Variants in SLAMF8 observed in about 807,000 individuals in gnomAD.
SLAMF8 encodes the protein SLAM family member 8, also known as B lymphocyte activator macrophage expressed.
A neutral mutation model predicts 29.0 loss-of-function variants in SLAMF8; 23 were observed. That is an observed-to-expected ratio of 0.79 (90% confidence interval 0.57 to 1.13). SLAMF8 has a LOEUF of 1.13. Among genes scored for constraint, SLAMF8 ranks in the 50% most tolerant of loss-of-function variants. SLAMF8 has a pLI of 0.00. For missense variants in SLAMF8, 381 were observed against 353.1 expected (o/e 1.08, Z -0.63); for synonymous variants, 139 against 145.6 (o/e 0.96, Z 0.32).
At chr1:159,829,761 A>C in intron 1 of SLAMF8, 105 bp from the exon 2 acceptor site, 6 of 1,167,918 alleles carry the variant, frequency 5.1e-6, no homozygotes, top group Non-Finnish European at 7.3e-6. Context: ...AGTGGAGGGA[A>C]TGTCAGTGGA....
Position 159,827,709 on chromosome 1 carries a change from C to A in SLAMF8, c.40+771C>A, listed in dbSNP as rs573691500. ...TGGGTTGCTTTGTTTCATCTCCTTGCCTGAGTTCCTGGCCCTGAGAGCTCC... is the reference window on the plus strand; with the variant it reads ...TGGGTTGCTTTGTTTCATCTCCTTGACTGAGTTCCTGGCCCTGAGAGCTCC... On this transcript the variant is annotated intron_variant, in intron 1 of 4. Coordinates refer to ENST00000289707, the MANE Select transcript of SLAMF8 (RefSeq NM_020125.3). Among the ~76,000 whole-genome samples the A allele has an allele frequency of 3.3e-5, 5 of 152,294 alleles. No individual in the cohort carries two copies. In the East Asian group the frequency reaches 9.6e-4, roughly 29 times the overall value.
rs1647597092 is a variant in SLAMF8, at chr1:159,832,937, C to T, written c.429C>T (p.Ser143=). The T allele has an allele frequency of 6.2e-7, 1 of 1,614,216 alleles. No homozygotes were observed. The highest frequency in any genetic ancestry group is 8.5e-7 in the Non-Finnish European group (1 of 1,180,040). Residue 143 remains serine, a synonymous_variant, in exon 3 of 5, where the codon TCC becomes TCT. Transcript: ENST00000289707. ...CTGTAGAAAGGGATGCTCAGCCCTC[C>T]AAGACCTGCCAGGTTTTCTTGTCCT... ...FIAVERDAQP[S]KTCQVFLSCW... is the part of the protein sequence containing the mutation.
Position 159,832,555 on chromosome 1 carries a change from G to A in SLAMF8, c.368-321G>A, listed in dbSNP as rs146699414. On this transcript the variant is annotated intron_variant, in intron 2 of 4. Transcript: ENST00000289707. ...CAAGAAGGGAAAGGCATCTGTGTGC[G>A]CAGATGAATTATGTGAAAGCATGAA... Among the ~76,000 whole-genome samples the A allele has an allele frequency of 1.8e-4, 28 of 152,352 alleles. No individual in the cohort carries two copies. The South Asian group carries it at 2.7e-3, about 15-fold the overall frequency.
Position 159,833,072 on chromosome 1 carries a change from T to C in SLAMF8, c.564T>C (p.Ile188=). ...SLFTDGQVLS[I]SLGPGDRDVA... Reference sequence around the variant, plus strand: ...TCACAGACGGACAGGTGCTGAGCATTTCCCTGGGACCAGGAGACAGAGATG... The same window carrying C: ...TCACAGACGGACAGGTGCTGAGCATCTCCCTGGGACCAGGAGACAGAGATG... Residue 188 remains isoleucine (I), a synonymous_variant, in exon 3 of 5, where the codon ATT becomes ATC. Coordinates refer to ENST00000289707, the MANE Select transcript of SLAMF8 (RefSeq NM_020125.3). 7.4e-6 allele frequency: 12 copies of C among 1,614,168 alleles called. No homozygotes were observed. The highest frequency in any genetic ancestry group is 1.0e-5 in the Non-Finnish European group (12 of 1,180,032).
rs973966010 is a variant in SLAMF8 at position 159,835,529 on chromosome 1, G to A, written c.*269G>A. 1 of 1,217,402 alleles carries A rather than the reference G, an allele frequency of 8.2e-7. No individual in the cohort carries two copies. The highest frequency in any genetic ancestry group is 1.6e-5 in the African/African-American group (1 of 64,386). 75.4% of individuals were successfully genotyped at this position (1,217,402 alleles called of 1,614,324 possible). A position where few individuals can be genotyped will look rare whatever the true frequency, so the allele number is the denominator to read the frequency against. On this transcript the variant is annotated 3_prime_UTR_variant, in exon 5 of 5. Transcript: ENST00000289707. ...GAGCCAAGCAGAACATTCCATCCAG[G>A]ACACTGGAAGTTCTCCAGGATCCAG...
chr1:159,830,247 G>A (rs988131683), intron 2 of SLAMF8, 55 bp downstream of exon 2: 47 of 1,494,714 alleles, frequency 3.1e-5, no homozygotes, highest in Middle Eastern at 3.7e-4. Context: ...AGCACCAGAC[G>A]AGCATCCTGA....
In SLAMF8 at chr1:159,835,170, G is replaced by C. The variant is rs752018159; in HGVS notation, c.782-14G>C. 3.1e-6 allele frequency: 5 copies of C among 1,612,212 alleles called. No homozygotes were observed. The highest frequency in any genetic ancestry group is 8.5e-7 in the Non-Finnish European group (1 of 1,178,950). On this transcript the variant is annotated splice_polypyrimidine_tract_variant and intron_variant, in intron 4 of 4. Transcript: ENST00000289707. The stretch of plus-strand genomic sequence containing the variant: ...ACACTGGAGGGGTAACTTTCTTTCT[G>C]ATGTCCTTACCAGGGAAAAAGAAAA...
Position 159,836,769 on chromosome 1 carries a change from C to T in SLAMF8, c.*1509C>T. 2 of 985,652 alleles carry T rather than the reference C, an allele frequency of 2.0e-6. No homozygotes were observed. Among genetic ancestry groups the T allele is most frequent in the Non-Finnish European group, 2.4e-6 (2 of 830,086 alleles). 61.1% of individuals were successfully genotyped at this position (985,652 alleles called of 1,614,324 possible). ...CTCGATTGTTCCCAGATCCTCCCTG[C>T]CTGGCCTGCTCAGAGGTTCCCTGTT... is the stretch of plus-strand genomic sequence containing the variant. On this transcript the variant is annotated 3_prime_UTR_variant, in exon 5 of 5. Coordinates refer to ENST00000289707, the MANE Select transcript of SLAMF8 (RefSeq NM_020125.3).
chr1:159,831,265 A>C (rs555287662), intron 2 of SLAMF8, among the ~76,000 whole-genome samples: 72 of 152,308 alleles, frequency 4.7e-4, no homozygotes, highest in Non-Finnish European at 8.8e-4. Flanking sequence ...GGAAGAGGGT[A>C]GCCATGAGGG....
chr1:159,837,311 A>G lies in SLAMF8; in HGVS notation c.*2051A>G. The G allele has an allele frequency of 1.0e-6, 1 of 985,482 alleles. No individual in the cohort carries two copies. 61.0% of individuals were successfully genotyped at this position (985,482 alleles called of 1,614,324 possible). A position where few individuals can be genotyped will look rare whatever the true frequency, so the allele number is the denominator to read the frequency against. ...CAAAAAAACACAAAGTGCTTCTGTGAGACCAATTTTGTGCTAATGAGCATT... is the reference window on the plus strand; with the variant it reads ...CAAAAAAACACAAAGTGCTTCTGTGGGACCAATTTTGTGCTAATGAGCATT... On this transcript the variant is annotated 3_prime_UTR_variant, in exon 5 of 5. Coordinates refer to ENST00000289707, the MANE Select transcript of SLAMF8 (RefSeq NM_020125.3).
Position 159,826,884 on chromosome 1 carries a change from C to A in SLAMF8, c.-15C>A. The A allele has an allele frequency of 6.2e-7, 1 of 1,614,162 alleles. No individual in the cohort carries two copies. Among genetic ancestry groups the A allele is most frequent in the Non-Finnish European group, 8.5e-7 (1 of 1,180,020 alleles). On this transcript the variant is annotated 5_prime_UTR_variant, in exon 1 of 5. Coordinates refer to ENST00000289707, the MANE Select transcript of SLAMF8 (RefSeq NM_020125.3). ...TTTGGCTGTCGAGGGAGTTTGCCTG[C>A]CTCTCCAGAGAAAGATGGTCATGAG...
rs759722110 is a variant in SLAMF8 at position 159,833,004 on chromosome 1, C to A, written c.496C>A (p.Arg166=). 1.2e-6 allele frequency: 2 copies of A among 1,614,218 alleles called. No homozygotes were observed. Among genetic ancestry groups the A allele is most frequent in the South Asian group, 2.2e-5 (2 of 91,086 alleles). ...CAGCGAAATAACCTATAGCTGGCGA[C>A]GGGAGACAACCATGGACTTTGGTAT... The part of the protein sequence containing the change: ...NISEITYSWR[R]ETTMDFGMEP... The change falls in exon 3 of 5, where the codon CGG becomes AGG. Residue 166 remains arginine (R), a synonymous_variant. Transcript: ENST00000289707.
At chr1:159,834,073 A>T (rs1330460061) in intron 4 of SLAMF8, among the ~76,000 whole-genome samples, 3 of 152,220 alleles carry the variant, frequency 2.0e-5, no homozygotes, top group African/African-American at 7.2e-5. Context: ...CCTGGTTCTA[A>T]GCTCTACATA....
chr1:159,826,961 C>G, intron 1 of SLAMF8, 23 bp downstream of exon 1: 3 of 1,614,002 alleles, frequency 1.9e-6, no homozygotes, highest in Non-Finnish European at 2.5e-6. Flanking sequence ...GGCAGATAGC[C>G]TGTCCTCGGA....
intron 4 of SLAMF8, among the ~76,000 whole-genome samples, chr1:159,833,702 C>T (rs1647675708): frequency 1.3e-5 from 2 of 152,138 alleles, no homozygotes; most frequent in South Asian, 4.1e-4. Flanking sequence ...TCAAGGTGTG[C>T]TTGCTCCAGA....
At chr1:159,826,972 G>T (rs1663660065) in intron 1 of SLAMF8, 34 bp downstream of exon 1, 2 of 1,613,554 alleles carry the variant, frequency 1.2e-6, no homozygotes, top group African/African-American at 2.7e-5. Context: ...TGTCCTCGGA[G>T]AGCTGAAGGC....
chr1:159,830,307 C>T, intron 2 of SLAMF8, 115 bp downstream of exon 2: 2 of 1,172,070 alleles, frequency 1.7e-6, no homozygotes, highest in East Asian at 2.6e-5. Flanking sequence ...GGTCTCTGAC[C>T]ATGTTGCCGA....
chr1:159,829,726 C>A, intron 1 of SLAMF8, 140 bp from the exon 2 acceptor site: 1 of 809,320 alleles, frequency 1.2e-6, no homozygotes, highest in Non-Finnish European at 2.0e-6. Flanking sequence ...ATCCCTGGTA[C>A]CTAGCACAGT....
In SLAMF8 at chr1:159,836,459, C is replaced by T; in HGVS notation, c.*1199C>T. ...AAAAACACTTAAGGAGCTAAACTTA[C>T]CTTCGGGGATTATTAGCTGATAAGG... On this transcript the variant is annotated 3_prime_UTR_variant, in exon 5 of 5. Coordinates refer to ENST00000289707, the MANE Select transcript of SLAMF8 (RefSeq NM_020125.3). The T allele has an allele frequency of 1.0e-6, 1 of 985,330 alleles. No individual in the cohort carries two copies. The highest frequency in any genetic ancestry group is 1.7e-5 in the African/African-American group (1 of 57,290). The allele number at this position is 985,330 out of a possible 1,614,324, so 61.0% of individuals were successfully genotyped here.
Sources: allele counts gnomAD v4.1 joint callset (sites outside exome capture counted in the v4.1 genomes callset), GRCh38; gene constraint gnomAD v4.1.1; transcripts MANE v1.5; gene names NCBI Gene and HGNC (gene_info 2026-07-23, HGNC 2026-07-21).